Variants in PLCL1 observed in about 807,000 individuals in gnomAD.
PLCL1 encodes phospholipase C like 1 (inactive), also known as inactive phospholipase C-like protein 1.
A neutral mutation model predicts 84.4 loss-of-function variants in PLCL1; 41 were observed. The ratio of observed to expected loss-of-function variants is 0.49; its 90% CI spans 0.38 to 0.63. The LOEUF is 0.63. Ranked by LOEUF, PLCL1 falls within the 30% of genes least tolerant of loss-of-function variation. The pLI is 0.00. For synonymous variants in PLCL1, 490 were observed against 488.3 expected, an observed-to-expected ratio of 1.00 and a Z score of -0.05; for missense variants, 1,206 against 1,367.8, an observed-to-expected ratio of 0.88 and a Z score of 1.87.
rs117706136 is a variant in PLCL1, at chr2:197,827,179, C to T, written c.240+21840C>T. Among the ~76,000 whole-genome samples, 400 of 152,270 alleles carry T rather than the reference C, an allele frequency of 2.6e-3. 7 individuals carry two copies. Among genetic ancestry groups the T allele is most frequent in the East Asian group, 0.018 (95 of 5,172 alleles). ...TTCTAAATGGCAAATCCAACTGCAT[C>T]ATTTTCTTCCTTAAAAGTTTTTGAT... On this transcript the variant is annotated intron_variant, in intron 1 of 5. Coordinates refer to ENST00000428675, the MANE Select transcript of PLCL1 (RefSeq NM_006226.4).
chr2:197,977,807 C>G (rs192740688), intron 1 of PLCL1, among the ~76,000 whole-genome samples: 22 of 152,242 alleles, frequency 1.4e-4, no homozygotes, highest in Non-Finnish European at 2.6e-4. Flanking sequence ...TTTTAATTTC[C>G]ATTATTTCTA....
chr2:198,049,100 T>A (rs1289479695), intron 1 of PLCL1, among the ~76,000 whole-genome samples: 1 of 152,080 alleles, frequency 6.6e-6, no homozygotes, highest in African/African-American at 2.4e-5. Flanking sequence ...TGGGATTGAG[T>A]GTTTAATGCT....
intron 1 of PLCL1, among the ~76,000 whole-genome samples, chr2:198,047,921 C>T (rs1691845318): frequency 6.6e-6 from 1 of 152,184 alleles, no homozygotes. Flanking sequence ...CCTTGCATAA[C>T]TCTTCCATGC....
At chr2:198,018,000 C>T (rs768103765) in intron 1 of PLCL1, among the ~76,000 whole-genome samples, 104 of 152,240 alleles carry the variant, frequency 6.8e-4, no homozygotes, top group Non-Finnish European at 1.2e-3. Context: ...ACACAGAAGG[C>T]GGGTGATTTT....
chr2:197,901,358 G>A (rs930250559), intron 1 of PLCL1, among the ~76,000 whole-genome samples: 4 of 152,140 alleles, frequency 2.6e-5, no homozygotes, highest in Admixed American at 2.6e-4. Context: ...GGTCAGTACT[G>A]TAATAAATAA....
intron 1 of PLCL1, among the ~76,000 whole-genome samples, chr2:197,896,290 GC>G (rs1385211132): frequency 6.6e-6 from 1 of 151,714 alleles, no homozygotes; most frequent in African/African-American, 2.4e-5. Flanking sequence ...CAAACTCTTA[GC>G]TTAAAAACAG....
Position 197,810,362 on chromosome 2 carries a change from GTGTC to G in PLCL1, c.240+5027_240+5030del, listed in dbSNP as rs760093836. The G allele has an allele frequency of 4.9e-6, 4 of 823,350 alleles. 1 individual carries two copies. In the South Asian group the frequency reaches 5.7e-5, roughly 12 times the overall value. 51.0% of individuals were successfully genotyped at this position (823,350 alleles called of 1,614,324 possible). A position where few individuals can be genotyped will look rare whatever the true frequency, so the allele number is the denominator to read the frequency against. On this transcript the variant is annotated intron_variant, in intron 1 of 5. Transcript: ENST00000428675. ...CTTACTTTGATGAAAGGTTTTTGAA[GTGTC>G]TGTTGATTAGTGTTTGCTACTATTA... is the stretch of plus-strand genomic sequence containing the variant.
chr2:198,116,028 T>C (rs2105923782), intron 5 of PLCL1, among the ~76,000 whole-genome samples: 1 of 148,480 alleles, frequency 6.7e-6, no homozygotes, highest in African/African-American at 2.4e-5. Flanking sequence ...AATATACATG[T>C]ATATATAAAA....
chr2:198,020,140 G>A (rs1262340607), intron 1 of PLCL1, among the ~76,000 whole-genome samples: 1 of 152,158 alleles, frequency 6.6e-6, no homozygotes, highest in African/African-American at 2.4e-5. Context: ...GCCAAACTAA[G>A]CTTTATAAGT....
intron 1 of PLCL1, among the ~76,000 whole-genome samples, chr2:198,003,033 A>C (rs986768323): frequency 6.6e-6 from 1 of 152,110 alleles, no homozygotes; most frequent in Non-Finnish European, 1.5e-5. Context: ...TTGGTCCCTA[A>C]GGAGTAGATG....
At chr2:198,115,916 A>T (rs952980293) in intron 5 of PLCL1, among the ~76,000 whole-genome samples, 10 of 148,924 alleles carry the variant, frequency 6.7e-5, no homozygotes, top group South Asian at 4.2e-4. Context: ...TATATAAAAA[A>T]TTTTTATGAA....
rs1694591952 is a variant in PLCL1, at chr2:198,149,252, A to G, written c.*2290A>G. The stretch of plus-strand genomic sequence containing the variant: ...TGAGGAGCATCTGTCTCCTTTCTAG[A>G]CTTGAACTGTGGTAGAAAAAGCCCC... On this transcript the variant is annotated 3_prime_UTR_variant, in exon 6 of 6. Coordinates refer to ENST00000428675, the MANE Select transcript of PLCL1 (RefSeq NM_006226.4). 1 of 152,282 alleles carries G rather than the reference A, an allele frequency of 6.6e-6. No individual in the cohort carries two copies. The highest frequency in any genetic ancestry group is 6.5e-5 in the Admixed American group (1 of 15,268). The allele number at this position is 152,282 out of a possible 1,614,324, so 9.4% of individuals were successfully genotyped here.
intron 1 of PLCL1, among the ~76,000 whole-genome samples, chr2:198,043,401 T>C (rs1282868323): frequency 6.6e-6 from 1 of 152,186 alleles, no homozygotes; most frequent in East Asian, 1.9e-4. Flanking sequence ...CAGCTGTCTC[T>C]ACTGGGTAGG....
At chr2:198,070,766 A>G (rs1692444706) in intron 1 of PLCL1, among the ~76,000 whole-genome samples, 1 of 151,988 alleles carries the variant, frequency 6.6e-6, no homozygotes, top group South Asian at 2.1e-4. Flanking sequence ...GACTCAAAAA[A>G]GCTTAAAAAA....
intron 3 of PLCL1, among the ~76,000 whole-genome samples, chr2:198,100,365 A>C (rs1693301755): frequency 6.6e-6 from 1 of 152,084 alleles, no homozygotes; most frequent in South Asian, 2.1e-4. Flanking sequence ...GAATATGGGG[A>C]GTGAGAAGGA....
At chr2:197,918,963 TCTCTCC>T (rs1213736534) in intron 1 of PLCL1, among the ~76,000 whole-genome samples, 3 of 144,926 alleles carry the variant, frequency 2.1e-5, no homozygotes, top group Admixed American at 7.1e-5. Context: ...TCTCTCTCTC[TCTCTCC>T]CTCACACACA....
intron 1 of PLCL1, among the ~76,000 whole-genome samples, chr2:197,904,926 T>C (rs932232314): frequency 6.6e-6 from 1 of 152,226 alleles, no homozygotes; most frequent in Admixed American, 6.5e-5. Context: ...TATTAGATCT[T>C]AGAATGTGAT....
At chr2:197,835,859 G>A (rs1001589764) in intron 1 of PLCL1, among the ~76,000 whole-genome samples, 2 of 150,864 alleles carry the variant, frequency 1.3e-5, no homozygotes, top group East Asian at 1.9e-4. Context: ...TTTTTCAGTC[G>A]GACAATTTTT....
intron 1 of PLCL1, among the ~76,000 whole-genome samples, chr2:198,059,685 C>G (rs1028047879): frequency 1.1e-4 from 17 of 152,144 alleles, no homozygotes; most frequent in East Asian, 7.7e-4. Flanking sequence ...AGGACACACA[C>G]ACTCAGAATT....
Sources: allele counts gnomAD v4.1 joint callset (sites outside exome capture counted in the v4.1 genomes callset), GRCh38; gene constraint gnomAD v4.1.1; transcripts MANE v1.5; gene names NCBI Gene and HGNC (gene_info 2026-07-23, HGNC 2026-07-21).